SPRR2A: variants seen among roughly 807,000 people sequenced by gnomAD.
SPRR2A encodes small proline-rich protein 2A.
In SPRR2A, 3 loss-of-function variants were observed where a neutral mutation model predicts 1.2. The observed-to-expected ratio is 2.56, with a 90% CI of 1.17 to 6.62. The LOEUF (loss-of-function observed/expected upper bound fraction) is 6.62, where lower values mean the gene tolerates loss of function less well. SPRR2A is among the 30% of genes most tolerant of loss of function. The pLI is 0.02. For synonymous variants in SPRR2A, 31 were observed against 33.1 expected (o/e 0.94, Z 0.21); for missense variants, 66 against 87.8 (o/e 0.75, Z 0.99).
rs543122719 is a variant in SPRR2A at position 153,056,268 on chromosome 1, C to T, written c.*249G>A. 54 of 616,092 alleles carry T rather than the reference C, an allele frequency of 8.8e-5. No individual in the cohort carries two copies. The highest frequency in any genetic ancestry group is 5.0e-4 in the African/African-American group (27 of 54,150). The allele number at this position is 616,092 out of a possible 1,614,324, so 38.2% of individuals were successfully genotyped here. A position where few individuals can be genotyped will look rare whatever the true frequency, so the allele number is the denominator to read the frequency against. On this transcript the variant is annotated 3_prime_UTR_variant, in exon 2 of 2. Transcript: ENST00000392653. Reference sequence around the variant, plus strand: ...GGGAGAGAGCTGCTGCTCTTTCTTCCGAAGCTCTGGGAGCTGGCACAGCCC... The same window carrying T: ...GGGAGAGAGCTGCTGCTCTTTCTTCTGAAGCTCTGGGAGCTGGCACAGCCC...
chr1:153,056,846 C>T lies in SPRR2A; in HGVS notation c.-19-92G>A, dbSNP rs1654364465. ...GTAATACCATGGCATATTATTTCTC[C>T]AATCTCCAAGAAATTATTTAAATTC... is the stretch of plus-strand genomic sequence containing the variant. On this transcript the variant is annotated intron_variant, in intron 1 of 1. Coordinates refer to ENST00000392653, the MANE Select transcript of SPRR2A (RefSeq NM_005988.3). The T allele has an allele frequency of 9.7e-6, 15 of 1,546,364 alleles. No homozygotes were observed. In the South Asian group the frequency reaches 1.6e-4, roughly 17 times the overall value.
At position 153,056,702 on chromosome 1, in the gene SPRR2A, A is replaced by G; in HGVS notation, c.34T>C (p.Cys12Arg). The G allele has an allele frequency of 4.3e-6, 7 of 1,610,336 alleles. No individual in the cohort carries two copies. Among genetic ancestry groups the G allele is most frequent in the Non-Finnish European group, 5.9e-6 (7 of 1,179,436 alleles). The change falls in exon 2 of 2, where the codon TGC becomes CGC. Residue 12 changes from cysteine to arginine, a missense_variant. Transcript: ENST00000392653. The stretch of plus-strand genomic sequence containing the variant: ...GTGGGGCACACAGGAGGTGGCTGGC[A>G]GGGCTGCTTGCACTGCTGCTGTTGA... ...SYQQQQCKQP[C>R]QPPPVCPTPK...
Position 153,056,678 on chromosome 1 carries a change from T to C in SPRR2A, c.58A>G (p.Thr20Ala), listed in dbSNP as rs201645175. 301 of 1,610,532 alleles carry C rather than the reference T, an allele frequency of 1.9e-4. 2 individuals are homozygous for C. The South Asian group carries it at 3.0e-3, about 16-fold the overall frequency. The change falls in exon 2 of 2, where the codon ACG (threonine) becomes GCG (alanine). Residue 20 changes from threonine to alanine, a missense_variant. Coordinates refer to ENST00000392653, the MANE Select transcript of SPRR2A (RefSeq NM_005988.3). ...QPCQPPPVCP[T>A]PKCPEPCPPP... ...GGACATGGCTCTGGGCACTTTGGCG[T>C]GGGGCACACAGGAGGTGGCTGGCAG...
rs2101603474 is a variant in SPRR2A at position 153,056,437 on chromosome 1, G to A, written c.*80C>T. ...CTGTGTATCCATGGTAGGCTTTGAT[G>A]AGAAGATGAAGGTGGAGCTGTGGAA... On this transcript the variant is annotated 3_prime_UTR_variant, in exon 2 of 2. Coordinates refer to ENST00000392653, the MANE Select transcript of SPRR2A (RefSeq NM_005988.3). The A allele has an allele frequency of 6.4e-7, 1 of 1,558,498 alleles. No individual in the cohort carries two copies. The highest frequency in any genetic ancestry group is 2.3e-5 in the East Asian group (1 of 44,430).
rs1654344367 is a variant in SPRR2A, at chr1:153,056,345, AG to A, written c.*171del. Reference sequence around the variant, plus strand: ...TGGACAGTGGCAGTATGGCAGCCTCAGAAAAGAAACTTTTTGCTGTCAGGGA... The same window carrying A: ...TGGACAGTGGCAGTATGGCAGCCTCAAAAAGAAACTTTTTGCTGTCAGGGA... On this transcript the variant is annotated 3_prime_UTR_variant, in exon 2 of 2. Transcript: ENST00000392653. 8.0e-7 allele frequency: 1 copy of A among 1,257,354 alleles called. No homozygotes were observed. The highest frequency in any genetic ancestry group is 1.5e-5 in the African/African-American group (1 of 66,030). 77.9% of individuals were successfully genotyped at this position (1,257,354 alleles called of 1,614,324 possible).
chr1:153,057,178 C>A (rs551921790), intron 1 of SPRR2A, among the ~76,000 whole-genome samples: 3 of 152,266 alleles, frequency 2.0e-5, no homozygotes, highest in African/African-American at 7.2e-5. Context: ...CCTGCTAAGA[C>A]ACAAACCTTT....
chr1:153,056,702 A>C lies in SPRR2A; in HGVS notation c.34T>G (p.Cys12Gly), dbSNP rs762350948. The change falls in exon 2 of 2, where the codon TGC becomes GGC. Residue 12 changes from cysteine to glycine, a missense_variant. Coordinates refer to ENST00000392653, the MANE Select transcript of SPRR2A (RefSeq NM_005988.3). ...GTGGGGCACACAGGAGGTGGCTGGCAGGGCTGCTTGCACTGCTGCTGTTGA... is the reference window on the plus strand; with the variant it reads ...GTGGGGCACACAGGAGGTGGCTGGCCGGGCTGCTTGCACTGCTGCTGTTGA... Reference protein sequence around the residue: ...SYQQQQCKQPCQPPPVCPTPK... With the variant: ...SYQQQQCKQPGQPPPVCPTPK... 2 of 1,610,336 alleles carry C rather than the reference A, an allele frequency of 1.2e-6. No individual in the cohort carries two copies. Among genetic ancestry groups the C allele is most frequent in the South Asian group, 1.1e-5 (1 of 90,956 alleles).
Position 153,056,381 on chromosome 1 carries a change from G to T in SPRR2A, c.*136C>A. The T allele has an allele frequency of 6.9e-7, 1 of 1,442,384 alleles. No individual in the cohort carries two copies. The highest frequency in any genetic ancestry group is 9.3e-7 in the Non-Finnish European group (1 of 1,072,828). 89.3% of individuals were successfully genotyped at this position (1,442,384 alleles called of 1,614,324 possible). On this transcript the variant is annotated 3_prime_UTR_variant, in exon 2 of 2. Transcript: ENST00000392653. Reference sequence around the variant, plus strand: ...TTTTTGCTGTCAGGGATCATCATGGGCAGATTACTGGCTAAGGAGAAAGAA... The same window carrying T: ...TTTTTGCTGTCAGGGATCATCATGGTCAGATTACTGGCTAAGGAGAAAGAA...
chr1:153,056,857 A>T, intron 1 of SPRR2A, 103 bp from the exon 2 acceptor site: 1 of 1,498,994 alleles, frequency 6.7e-7, no homozygotes, highest in Non-Finnish European at 8.9e-7. Flanking sequence ...AATCTCCAAG[A>T]AATTATTTAA....
rs902317665 is a variant in SPRR2A, at chr1:153,056,647, G to C, written c.89C>G (p.Pro30Arg). 1.2e-6 allele frequency: 2 copies of C among 1,610,710 alleles called. No homozygotes were observed. The highest frequency in any genetic ancestry group is 2.3e-4 in the Middle Eastern group (1 of 4,442). The change falls in exon 2 of 2, where the codon CCG (proline) becomes CGG (arginine). Residue 30 changes from proline to arginine, a missense_variant. By Grantham distance (103) the Pro-to-Arg change is moderately radical. Coordinates refer to ENST00000392653, the MANE Select transcript of SPRR2A (RefSeq NM_005988.3). ...TGGTGGGCAGGGCTCAGGGCACTTC[G>C]GGGGTGGACATGGCTCTGGGCACTT... ...TPKCPEPCPP[P>R]KCPEPCPPPK...
chr1:153,056,472 C>G lies in SPRR2A; in HGVS notation c.*45G>C. The G allele has an allele frequency of 1.9e-6, 3 of 1,594,852 alleles. No individual in the cohort carries two copies. The highest frequency in any genetic ancestry group is 2.6e-6 in the Non-Finnish European group (3 of 1,170,424). ...AGGTGGAGCTGTGGAACGAGGTGAG[C>G]CAAATATCCTTATCCTTTCTTGGTC... On this transcript the variant is annotated 3_prime_UTR_variant, in exon 2 of 2. Coordinates refer to ENST00000392653, the MANE Select transcript of SPRR2A (RefSeq NM_005988.3).
At chr1:153,057,198 A>G (rs1251905227) in intron 1 of SPRR2A, among the ~76,000 whole-genome samples, 1 of 152,212 alleles carries the variant, frequency 6.6e-6, no homozygotes, top group African/African-American at 2.4e-5. Flanking sequence ...TGTAAAGGAC[A>G]CTAGAAAGAC....
chr1:153,056,646 C>T lies in SPRR2A; in HGVS notation c.90G>A (p.Pro30=), dbSNP rs754176275. The change falls in exon 2 of 2, where the codon CCG becomes CCA. Residue 30 remains proline (P), a synonymous_variant. Coordinates refer to ENST00000392653, the MANE Select transcript of SPRR2A (RefSeq NM_005988.3). ...GTGGTGGGCAGGGCTCAGGGCACTTCGGGGGTGGACATGGCTCTGGGCACT... is the reference window on the plus strand; with the variant it reads ...GTGGTGGGCAGGGCTCAGGGCACTTTGGGGGTGGACATGGCTCTGGGCACT... ...TPKCPEPCPP[P]KCPEPCPPPK... 68 of 1,610,176 alleles carry T rather than the reference C, an allele frequency of 4.2e-5. No individual in the cohort carries two copies. Among genetic ancestry groups the T allele is most frequent in the Non-Finnish European group, 5.0e-5 (59 of 1,178,902 alleles).
rs1654353273 is a variant in SPRR2A at position 153,056,555 on chromosome 1, G to A, written c.181C>T (p.Pro61Ser). The change falls in exon 2 of 2, where the codon CCA (proline) becomes TCA (serine). Residue 61 changes from proline to serine, a missense_variant. Physicochemically the swap from Pro to Ser is moderately conservative, Grantham distance 74. Transcript: ENST00000392653. ...QQKYPPVTPSPPCQSKYPPKS... is the reference protein window; with the variant it reads ...QQKYPPVTPSSPCQSKYPPKS... ...GGTGGATACTTTGACTGGCAGGGTG[G>A]GGAAGGTGTCACAGGAGGATATTTC... The A allele has an allele frequency of 3.1e-6, 5 of 1,612,204 alleles. No homozygotes were observed. The highest frequency in any genetic ancestry group is 2.7e-5 in the African/African-American group (2 of 74,844).
In SPRR2A at chr1:153,056,396, A is replaced by G; in HGVS notation, c.*121T>C. 1 of 1,494,746 alleles carries G rather than the reference A, an allele frequency of 6.7e-7. No homozygotes were observed. The highest frequency in any genetic ancestry group is 2.3e-5 in the Admixed American group (1 of 44,204). The allele number at this position is 1,494,746 out of a possible 1,614,324, so 92.6% of individuals were successfully genotyped here. A position where few individuals can be genotyped will look rare whatever the true frequency, so the allele number is the denominator to read the frequency against. The stretch of plus-strand genomic sequence containing the variant: ...ATCATCATGGGCAGATTACTGGCTA[A>G]GGAGAAAGAAGCTCCCTGTGTATCC... On this transcript the variant is annotated 3_prime_UTR_variant, in exon 2 of 2. Transcript: ENST00000392653.
chr1:153,056,169 A>T lies in SPRR2A; in HGVS notation c.*348T>A. On this transcript the variant is annotated 3_prime_UTR_variant, in exon 2 of 2. Coordinates refer to ENST00000392653, the MANE Select transcript of SPRR2A (RefSeq NM_005988.3). Reference sequence around the variant, plus strand: ...GGAGTGAAAGATAAGTGACAATTGCAAAGGTGGTAGAAGCTCGTGACCAGG... The same window carrying T: ...GGAGTGAAAGATAAGTGACAATTGCTAAGGTGGTAGAAGCTCGTGACCAGG... 2.4e-6 allele frequency: 1 copy of T among 425,226 alleles called. No homozygotes were observed. Among genetic ancestry groups the T allele is most frequent in the South Asian group, 7.8e-5 (1 of 12,800 alleles). 26.3% of individuals were successfully genotyped at this position (425,226 alleles called of 1,614,324 possible). A position where few individuals can be genotyped will look rare whatever the true frequency, so the allele number is the denominator to read the frequency against.
Position 153,056,165 on chromosome 1 carries a change from T to C in SPRR2A, c.*352A>G, listed in dbSNP as rs1654339551. 4.7e-6 allele frequency: 2 copies of C among 423,520 alleles called. No individual in the cohort carries two copies. Among genetic ancestry groups the C allele is most frequent in the South Asian group, 7.9e-5 (1 of 12,712 alleles). 26.2% of individuals were successfully genotyped at this position (423,520 alleles called of 1,614,324 possible). On this transcript the variant is annotated 3_prime_UTR_variant, in exon 2 of 2. Transcript: ENST00000392653. The stretch of plus-strand genomic sequence containing the variant: ...TCAGGGAGTGAAAGATAAGTGACAA[T>C]TGCAAAGGTGGTAGAAGCTCGTGAC...
intron 1 of SPRR2A, among the ~76,000 whole-genome samples, chr1:153,057,058 C>T (rs560768547): frequency 1.3e-5 from 2 of 152,158 alleles, no homozygotes; most frequent in East Asian, 3.9e-4. Flanking sequence ...TTCAGACACC[C>T]TGGGCAATCT....
chr1:153,057,062 G>A (rs1654368909), intron 1 of SPRR2A, among the ~76,000 whole-genome samples: 1 of 152,060 alleles, frequency 6.6e-6, no homozygotes, highest in Non-Finnish European at 1.5e-5. Context: ...GACACCCTGG[G>A]CAATCTAATA....
Sources: gnomAD v4.1 joint callset for allele counts (sites outside exome capture counted in the v4.1 genomes callset) on GRCh38, gnomAD v4.1.1 for gene constraint, MANE v1.5 for transcripts, NCBI Gene and HGNC (gene_info 2026-07-23, HGNC 2026-07-21) for gene names.